Variants in SH3D19 observed in about 807,000 individuals in gnomAD.
The protein encoded by SH3D19 is SH3 domain-containing protein 19.
In SH3D19, 58 loss-of-function variants were observed where a neutral mutation model predicts 112.1. The observed-to-expected ratio is 0.52, with a 90% CI of 0.42 to 0.64. SH3D19 has a LOEUF of 0.64. Ranked by LOEUF, SH3D19 falls within the 30% of genes least tolerant of loss-of-function variation. The probability of loss-of-function intolerance (pLI) is 0.00; values close to 1 mark genes in which losing one functional copy is unlikely to be tolerated. For missense variants in SH3D19, 1,090 were observed against 1,263.4 expected (o/e 0.86, Z 2.08); for synonymous variants, 391 against 448.5 (o/e 0.87, Z 1.62).
chr4:151,256,537 C>G (rs1169230474), intron 1 of SH3D19, among the ~76,000 whole-genome samples: 2 of 152,072 alleles, frequency 1.3e-5, no homozygotes, highest in East Asian at 1.9e-4. Flanking sequence ...CATTGAGAGA[C>G]AATATAAAAA....
chr4:151,281,796 G>A (rs576144811), intron 1 of SH3D19, among the ~76,000 whole-genome samples: 1 of 152,100 alleles, frequency 6.6e-6, no homozygotes, highest in Non-Finnish European at 1.5e-5. Flanking sequence ...AAGGTCTAGT[G>A]CTCAGAACAG....
At chr4:151,293,388 G>A (rs1303448435) in intron 1 of SH3D19, among the ~76,000 whole-genome samples, 2 of 151,152 alleles carry the variant, frequency 1.3e-5, no homozygotes, top group Non-Finnish European at 2.9e-5. Context: ...CAGGAGAATG[G>A]CGTGAACCTG....
At chr4:151,241,886 T>G (rs1420769757) in intron 1 of SH3D19, among the ~76,000 whole-genome samples, 2 of 150,952 alleles carry the variant, frequency 1.3e-5, no homozygotes, top group African/African-American at 5.0e-5. Flanking sequence ...TGGTATGATA[T>G]TAAAAATTTT....
At chr4:151,196,946 C>T (rs1004489640) in intron 2 of SH3D19, among the ~76,000 whole-genome samples, 3 of 151,472 alleles carry the variant, frequency 2.0e-5, no homozygotes, top group African/African-American at 7.3e-5. Context: ...AATGTGATAC[C>T]CCTCTACTCC....
intron 1 of SH3D19, among the ~76,000 whole-genome samples, chr4:151,248,432 A>T (rs1771109703): frequency 5.3e-5 from 8 of 152,178 alleles, no homozygotes; most frequent in Admixed American, 5.2e-4. Flanking sequence ...TTGAATAGAG[A>T]TTTCTCTAAT....
chr4:151,175,785 CA>C lies in SH3D19; in HGVS notation c.530-112del, dbSNP rs1422463353. ...ATTTAAAACTACATACATGGAATAT[CA>C]AGAGATTTTGGTTTCTTTTAATTAG... is the stretch of plus-strand genomic sequence containing the variant. On this transcript the variant is annotated intron_variant, in intron 6 of 19. Coordinates refer to ENST00000604030, the MANE Select transcript of SH3D19 (RefSeq NM_001378122.1). 6.6e-6 allele frequency: 7 copies of C among 1,057,194 alleles called. No homozygotes were observed. The East Asian group carries it at 1.3e-4, about 20-fold the overall frequency. 65.5% of individuals were successfully genotyped at this position (1,057,194 alleles called of 1,614,324 possible).
chr4:151,150,258 T>TAG (rs1409632890), intron 9 of SH3D19, among the ~76,000 whole-genome samples: 1 of 122,132 alleles, frequency 8.2e-6, no homozygotes, highest in Non-Finnish European at 1.7e-5. Context: ...TATACACACA[T>TAG]ATATATACAT....
Position 151,325,262 on chromosome 4 carries a change from G to C in SH3D19, c.91C>G (p.Leu31Val). ...TCACCTGCGGCCGAGTGGCCCGAGA[G>C]CGCACGGCCCCGGGCGCGGCGCTGG... ...GGQRRARGRA[L>V]SGHSAADRNE... The change falls in exon 1 of 20, where the codon CTC (leucine) becomes GTC (valine). Residue 31 changes from leucine (L) to valine (V), a missense_variant. By Grantham distance (32) the Leu-to-Val change is conservative. Transcript: ENST00000604030. The C allele has an allele frequency of 8.2e-7, 1 of 1,221,852 alleles. No homozygotes were observed. The allele number at this position is 1,221,852 out of a possible 1,614,324, so 75.7% of individuals were successfully genotyped here.
intron 1 of SH3D19, among the ~76,000 whole-genome samples, chr4:151,310,212 A>G: frequency 8.3e-6 from 1 of 121,194 alleles, no homozygotes; most frequent in African/African-American, 4.4e-5. Context: ...TGTCTTTACA[A>G]AAAAAAAAAA....
At chr4:151,317,731 TGGG>T (rs1262902874) in intron 1 of SH3D19, among the ~76,000 whole-genome samples, 1 of 152,146 alleles carries the variant, frequency 6.6e-6, no homozygotes, top group East Asian at 1.9e-4. Context: ...CCCAGCACTA[TGGG>T]AAGCCGAGGC....
intron 19 of SH3D19, among the ~76,000 whole-genome samples, chr4:151,125,273 A>G (rs1748957731): frequency 6.6e-6 from 1 of 152,126 alleles, no homozygotes; most frequent in African/African-American, 2.4e-5. Flanking sequence ...GTTTGAGACC[A>G]GCCTGGGTGA....
intron 8 of SH3D19, among the ~76,000 whole-genome samples, chr4:151,160,786 C>T (rs1049803752): frequency 8.6e-5 from 13 of 150,918 alleles, no homozygotes; most frequent in Admixed American, 4.0e-4. Flanking sequence ...GCAGACAGGA[C>T]AACATTCTCA....
intron 2 of SH3D19, among the ~76,000 whole-genome samples, chr4:151,198,081 G>A (rs1024218933): frequency 1.3e-5 from 2 of 151,698 alleles, no homozygotes; most frequent in East Asian, 1.9e-4. Flanking sequence ...TGAGGCGGGC[G>A]AATAACGAGG....
chr4:151,278,419 G>A (rs55886318), intron 1 of SH3D19, among the ~76,000 whole-genome samples: 1 of 149,238 alleles, frequency 6.7e-6, no homozygotes, highest in Non-Finnish European at 1.5e-5. Flanking sequence ...AGGTGTGGTT[G>A]AACCACACCT....
At chr4:151,249,594 A>G (rs987017706) in intron 1 of SH3D19, among the ~76,000 whole-genome samples, 1 of 152,190 alleles carries the variant, frequency 6.6e-6, no homozygotes, top group African/African-American at 2.4e-5. Context: ...AATTAAACTC[A>G]TATGAAATCT....
intron 1 of SH3D19, among the ~76,000 whole-genome samples, chr4:151,228,856 C>CTTT (rs60356486): frequency 6.8e-6 from 1 of 147,016 alleles, no homozygotes. Context: ...TTTTTCTTTT[C>CTTT]TTTTTTTTTT....
At chr4:151,233,879 C>T (rs1490931786) in intron 1 of SH3D19, among the ~76,000 whole-genome samples, 4 of 152,208 alleles carry the variant, frequency 2.6e-5, no homozygotes, top group Admixed American at 2.6e-4. Context: ...CTGATGTAGG[C>T]AGGGTCTCTG....
chr4:151,139,918 C>A, intron 12 of SH3D19, 71 bp from the exon 13 acceptor site: 1 of 1,450,040 alleles, frequency 6.9e-7, no homozygotes, highest in Non-Finnish European at 9.6e-7. Context: ...ACTCTGAGAC[C>A]AATTTTTTTT....
At chr4:151,125,556 G>C (rs1022077246) in intron 19 of SH3D19, among the ~76,000 whole-genome samples, 9 of 148,550 alleles carry the variant, frequency 6.1e-5, no homozygotes, top group African/African-American at 2.2e-4. Flanking sequence ...AGAAAGGAAA[G>C]AAAGAAAGAG....
Sources: allele counts gnomAD v4.1 joint callset (sites outside exome capture counted in the v4.1 genomes callset), GRCh38; gene constraint gnomAD v4.1.1; transcripts MANE v1.5; gene names NCBI Gene and HGNC (gene_info 2026-07-23, HGNC 2026-07-21).